The following PDE7A variants were observed in gnomAD, a reference collection of about 807,000 sequenced individuals.
The protein encoded by PDE7A is phosphodiesterase 7A, also known as high affinity 3',5'-cyclic-AMP phosphodiesterase 7A.
In PDE7A, 39 loss-of-function variants were observed where a neutral mutation model predicts 64.3. The ratio of observed to expected loss-of-function variants is 0.61; its 90% CI spans 0.47 to 0.79. PDE7A has a LOEUF of 0.79. Ranked by LOEUF, PDE7A falls within the 30% of genes least tolerant of loss-of-function variation. The probability of loss-of-function intolerance (pLI) is 0.00; values close to 1 mark genes in which losing one functional copy is unlikely to be tolerated. For synonymous variants in PDE7A, 203 were observed against 206.8 expected, an observed-to-expected ratio of 0.98 and a Z score of 0.16; for missense variants, 470 against 582.8, an observed-to-expected ratio of 0.81 and a Z score of 1.99.
chr8:65,840,734 C>T (rs951633155), intron 1 of PDE7A, among the ~76,000 whole-genome samples: 1 of 152,246 alleles, frequency 6.6e-6, no homozygotes, highest in Admixed American at 6.5e-5. Context: ...GAGTGTACAT[C>T]AGTAGTTTCT....
At chr8:65,719,982 C>T (rs17304488) in intron 12 of PDE7A, among the ~76,000 whole-genome samples, 6,317 of 152,272 alleles carry the variant, frequency 0.041, 195 homozygotes, top group Non-Finnish European at 0.062. Context: ...CTGGTCATGA[C>T]TACAATTGGT....
intron 1 of PDE7A, among the ~76,000 whole-genome samples, chr8:65,798,206 A>ATATATATAT: frequency 5.7e-4 from 42 of 73,806 alleles, no homozygotes; most frequent in East Asian, 1.8e-3. Flanking sequence ...ATATATATAT[A>ATATATATAT]TTTTTTTTTT....
rs1323741555 is a variant in PDE7A, at chr8:65,715,420, T to C, written c.*3870A>G. Among the ~76,000 whole-genome samples, 25 of 150,224 alleles carry C rather than the reference T, an allele frequency of 1.7e-4. 2 individuals carry two copies. The highest frequency in any genetic ancestry group is 1.6e-3 in the Admixed American group (24 of 15,108). On this transcript the variant is annotated 3_prime_UTR_variant, in exon 13 of 13. Transcript: ENST00000401827. ...TGAGACAGAGTCTTGCTCTGTCACC[T>C]AGGCTGGAGTGCAGTAGCACAATCT...
rs1806069782 is a variant in PDE7A at position 65,714,811 on chromosome 8, CA to C, written c.*4478del. ...AAGAAAGCATTTTGGAAAAAAAGAT[CA>C]TTTTCAGAATCTTCAAGGAATTACT... On this transcript the variant is annotated 3_prime_UTR_variant, in exon 13 of 13. Transcript: ENST00000401827. 4 of 152,128 alleles carry C rather than the reference CA, an allele frequency of 2.6e-5. No homozygotes were observed. The highest frequency in any genetic ancestry group is 5.9e-5 in the Non-Finnish European group (4 of 68,016). The allele number at this position is 152,128 out of a possible 1,614,324, so 9.4% of individuals were successfully genotyped here. A position where few individuals can be genotyped will look rare whatever the true frequency, so the allele number is the denominator to read the frequency against.
intron 1 of PDE7A, among the ~76,000 whole-genome samples, chr8:65,807,148 T>C (rs1810132094): frequency 6.6e-6 from 1 of 152,258 alleles, no homozygotes; most frequent in Non-Finnish European, 1.5e-5. Flanking sequence ...TTAACAATAT[T>C]AAGTTTTCCA....
At chr8:65,799,146 G>C (rs1809929270) in intron 1 of PDE7A, among the ~76,000 whole-genome samples, 1 of 152,112 alleles carries the variant, frequency 6.6e-6, no homozygotes, top group Non-Finnish European at 1.5e-5. Flanking sequence ...TGACTAAAGA[G>C]TACAATATCT....
intron 3 of PDE7A, among the ~76,000 whole-genome samples, chr8:65,777,156 C>T (rs1225715408): frequency 2.0e-5 from 3 of 149,832 alleles, no homozygotes; most frequent in Non-Finnish European, 3.0e-5. Context: ...CCTGGCTAAC[C>T]GCAACCTCTG....
chr8:65,766,453 T>G (rs1236686517), intron 3 of PDE7A, among the ~76,000 whole-genome samples: 1 of 152,186 alleles, frequency 6.6e-6, no homozygotes, highest in African/African-American at 2.4e-5. Flanking sequence ...CTGGTTATCT[T>G]TATGGAGTTG....
At chr8:65,802,893 G>A (rs752474624) in intron 1 of PDE7A, among the ~76,000 whole-genome samples, 2 of 152,198 alleles carry the variant, frequency 1.3e-5, no homozygotes, top group African/African-American at 2.4e-5. Flanking sequence ...TTGTTGATAA[G>A]TGAGCATTCT....
chr8:65,734,848 T>C lies in PDE7A; in HGVS notation c.642A>G (p.Ala214=), dbSNP rs575421765. 10 of 1,612,802 alleles carry C rather than the reference T, an allele frequency of 6.2e-6. No homozygotes were observed. In the East Asian group the frequency reaches 6.7e-5, roughly 11 times the overall value. The change falls in exon 7 of 13, where the codon GCA becomes GCG. Residue 214 remains alanine (A), a synonymous_variant. Coordinates refer to ENST00000401827, the MANE Select transcript of PDE7A (RefSeq NM_001242318.3). The stretch of plus-strand genomic sequence containing the variant: ...CCTGAGTAACATCCGCAGCGTGGAC[T>C]GCGTTATGGTAAGGATTTTGACTGT... ...DYHSQNPYHN[A]VHAADVTQAM... is the part of the protein sequence containing the mutation.
At chr8:65,735,043 C>T (rs1276278424) in intron 6 of PDE7A, 149 bp from the exon 7 acceptor site, 4 of 617,018 alleles carry the variant, frequency 6.5e-6, no homozygotes. Flanking sequence ...AATCACCTCA[C>T]AACTCACATG....
chr8:65,760,645 C>T (rs1808442409), intron 3 of PDE7A, among the ~76,000 whole-genome samples: 1 of 152,166 alleles, frequency 6.6e-6, no homozygotes, highest in Admixed American at 6.5e-5. Flanking sequence ...GATGAGATCA[C>T]TTTAAGACTG....
chr8:65,821,332 T>C (rs571339166), intron 1 of PDE7A, among the ~76,000 whole-genome samples: 1 of 152,314 alleles, frequency 6.6e-6, no homozygotes, highest in Admixed American at 6.5e-5. Flanking sequence ...GTTCCCGCTG[T>C]GAAAAGCATA....
At chr8:65,774,584 T>C (rs1809203710) in intron 3 of PDE7A, among the ~76,000 whole-genome samples, 2 of 151,960 alleles carry the variant, frequency 1.3e-5, no homozygotes, top group South Asian at 4.1e-4. Context: ...TAGCTATCAA[T>C]ATTTACCACA....
rs771424706 is a variant in PDE7A, at chr8:65,718,323, TCTCA to T, written c.*963_*966del. The T allele has an allele frequency of 7.2e-5, 11 of 152,088 alleles. No homozygotes were observed. The highest frequency in any genetic ancestry group is 1.5e-4 in the African/African-American group (6 of 41,376). 9.4% of individuals were successfully genotyped at this position (152,088 alleles called of 1,614,324 possible). On this transcript the variant is annotated 3_prime_UTR_variant, in exon 13 of 13. Coordinates refer to ENST00000401827, the MANE Select transcript of PDE7A (RefSeq NM_001242318.3). ...TCCGTACATTCACACACAACATACC[TCTCA>T]CTCACTGCAGCGAAAGGGACTTTAG...
intron 1 of PDE7A, among the ~76,000 whole-genome samples, chr8:65,839,313 T>G (rs1811022182): frequency 6.7e-6 from 1 of 148,226 alleles, no homozygotes; most frequent in Non-Finnish European, 1.5e-5. Flanking sequence ...GCTTACGAAC[T>G]AAAAATTTAA....
intron 2 of PDE7A, among the ~76,000 whole-genome samples, 162 bp downstream of exon 2, chr8:65,782,621 A>C (rs1312451069): frequency 6.6e-6 from 1 of 152,194 alleles, no homozygotes; most frequent in Non-Finnish European, 1.5e-5. Flanking sequence ...CTCTTTATTC[A>C]CATCACATTC....
intron 3 of PDE7A, among the ~76,000 whole-genome samples, chr8:65,755,955 T>C (rs538063909): frequency 1.3e-5 from 2 of 152,376 alleles, no homozygotes; most frequent in East Asian, 3.9e-4. Context: ...CTACTGGTAA[T>C]GAACTCCCTC....
At chr8:65,807,468 T>C (rs1201935684) in intron 1 of PDE7A, among the ~76,000 whole-genome samples, 1 of 152,222 alleles carries the variant, frequency 6.6e-6, no homozygotes. Context: ...AATCATATCA[T>C]CTATGACTAG....
Sources: allele counts gnomAD v4.1 joint callset (sites outside exome capture counted in the v4.1 genomes callset), GRCh38; gene constraint gnomAD v4.1.1; transcripts MANE v1.5; gene names NCBI Gene and HGNC (gene_info 2026-07-23, HGNC 2026-07-21).